LRMDA: variants seen among roughly 807,000 people sequenced by gnomAD.
LRMDA encodes leucine-rich melanocyte differentiation-associated protein.
LRMDA carries 18 observed loss-of-function variants against 29.8 expected under a neutral mutation model. The observed-to-expected ratio is 0.60, with a 90% CI of 0.42 to 0.90. The LOEUF (loss-of-function observed/expected upper bound fraction) is 0.90, where lower values mean the gene tolerates loss of function less well. Ranked by LOEUF, LRMDA falls within the 40% of genes least tolerant of loss-of-function variation. The pLI is 0.00. For synonymous variants in LRMDA, 125 were observed against 109.4 expected (o/e 1.14, Z -0.89); for missense variants, 273 against 273.9 (o/e 1.00, Z 0.02).
At chr10:75,924,097 T>C (rs1846075781) in intron 2 of LRMDA, among the ~76,000 whole-genome samples, 1 of 152,210 alleles carries the variant, frequency 6.6e-6, no homozygotes, top group South Asian at 2.1e-4. Context: ...TGCCTCAAAA[T>C]TACTCCATCT....
Position 75,907,644 on chromosome 10 carries a change from G to A in LRMDA, c.132-128364G>A, listed in dbSNP as rs1845778519. Among the ~76,000 whole-genome samples, 3 of 152,180 alleles carry A rather than the reference G, an allele frequency of 2.0e-5. No homozygotes were observed. The South Asian group carries it at 6.2e-4, about 32-fold the overall frequency. On this transcript the variant is annotated intron_variant, in intron 2 of 6. Transcript: ENST00000611255. Reference sequence around the variant, plus strand: ...GCTGTTACTTTACAGTAGCGTTAGAGTGGAGCTGTCGTTAATATCCACACC... The same window carrying A: ...GCTGTTACTTTACAGTAGCGTTAGAATGGAGCTGTCGTTAATATCCACACC...
chr10:76,037,311 C>T (rs1848266493), intron 3 of LRMDA, among the ~76,000 whole-genome samples: 2 of 152,200 alleles, frequency 1.3e-5, no homozygotes, highest in African/African-American at 2.4e-5. Context: ...AGTAGTTAAA[C>T]CACTTGTTCA....
At chr10:76,456,421 A>G (rs191088004) in intron 6 of LRMDA, among the ~76,000 whole-genome samples, 153 of 152,304 alleles carry the variant, frequency 1.0e-3, no homozygotes, top group Admixed American at 1.6e-3. Context: ...CTACAAAAGC[A>G]ATTGCAGAGG....
At chr10:76,253,386 T>C (rs938592837) in intron 5 of LRMDA, among the ~76,000 whole-genome samples, 1 of 152,128 alleles carries the variant, frequency 6.6e-6, no homozygotes, top group Non-Finnish European at 1.5e-5. Flanking sequence ...GGATTTTTGT[T>C]AGATGTCTTA....
intron 5 of LRMDA, among the ~76,000 whole-genome samples, chr10:76,068,370 G>T (rs1025463368): frequency 2.6e-5 from 4 of 152,148 alleles, no homozygotes; most frequent in Non-Finnish European, 5.9e-5. Context: ...AGTCACCAAC[G>T]TTTCTGGCAC....
Position 75,744,396 on chromosome 10 carries a change from G to T in LRMDA, c.132-291612G>T, listed in dbSNP as rs76638502. On this transcript the variant is annotated intron_variant, in intron 2 of 6. Transcript: ENST00000611255. ...AGGGGTCTAGACATGTATCATAAAA[G>T]AATAGACTCTTGTGTATAAAAACAC... 3.9e-5 allele frequency among the ~76,000 whole-genome samples: 6 copies of T among 152,318 alleles called. No individual in the cohort carries two copies. The East Asian group carries it at 1.2e-3, about 29-fold the overall frequency.
At chr10:76,074,022 A>G (rs191948907) in intron 5 of LRMDA, among the ~76,000 whole-genome samples, 1 of 152,334 alleles carries the variant, frequency 6.6e-6, no homozygotes, top group East Asian at 1.9e-4. Context: ...AAGCACAAAT[A>G]TGTTATTGTT....
chr10:75,998,711 C>G (rs1847513488), intron 2 of LRMDA, among the ~76,000 whole-genome samples: 1 of 152,236 alleles, frequency 6.6e-6, no homozygotes, highest in Admixed American at 6.5e-5. Context: ...AGAGATTACT[C>G]TCTTGACATT....
chr10:76,062,488 A>G (rs374987003), intron 5 of LRMDA, among the ~76,000 whole-genome samples: 6 of 151,736 alleles, frequency 4.0e-5, no homozygotes, highest in Admixed American at 1.3e-4. Flanking sequence ...GCAAGTCCTC[A>G]CTCCCTTTCT....
intron 2 of LRMDA, among the ~76,000 whole-genome samples, chr10:75,848,777 C>T (rs1297569415): frequency 6.6e-6 from 1 of 152,198 alleles, no homozygotes; most frequent in Non-Finnish European, 1.5e-5. Flanking sequence ...AGGACAGCCA[C>T]ACCTGCATCA....
chr10:76,112,068 C>T (rs571309060), intron 5 of LRMDA, among the ~76,000 whole-genome samples: 3 of 152,276 alleles, frequency 2.0e-5, no homozygotes, highest in African/African-American at 7.2e-5. Context: ...TCTAATCTGT[C>T]GTCAAATGGA....
At chr10:75,910,967 T>C (rs1845833020) in intron 2 of LRMDA, among the ~76,000 whole-genome samples, 1 of 152,184 alleles carries the variant, frequency 6.6e-6, no homozygotes. Context: ...TGGAGTAATC[T>C]GGCATGAACA....
chr10:75,669,909 T>C (rs1033788726), intron 2 of LRMDA, among the ~76,000 whole-genome samples: 3 of 152,230 alleles, frequency 2.0e-5, no homozygotes, highest in African/African-American at 4.8e-5. Flanking sequence ...GCATAAATTA[T>C]GGTAGTTAAA....
Position 75,573,343 on chromosome 10 carries a change from G to A in LRMDA, c.131+134849G>A, listed in dbSNP as rs561125867. Among the ~76,000 whole-genome samples the A allele has an allele frequency of 6.6e-5, 10 of 152,044 alleles. No homozygotes were observed. In the South Asian group the frequency reaches 2.1e-3, roughly 32 times the overall value. ...ATTTATTTATTTTTCCCCAGTTCTGGAAAATCCTCAGCTGTTCTCTTTTTG... is the reference window on the plus strand; with the variant it reads ...ATTTATTTATTTTTCCCCAGTTCTGAAAAATCCTCAGCTGTTCTCTTTTTG... On this transcript the variant is annotated intron_variant, in intron 2 of 6. Coordinates refer to ENST00000611255, the MANE Select transcript of LRMDA (RefSeq NM_001305581.2).
intron 2 of LRMDA, among the ~76,000 whole-genome samples, chr10:75,575,503 A>G (rs906242189): frequency 7.2e-5 from 11 of 152,210 alleles, no homozygotes; most frequent in African/African-American, 2.4e-4. Context: ...AAAGGGAGAA[A>G]TCTGCCGAAA....
At chr10:76,346,149 A>G (rs1841106132) in intron 6 of LRMDA, among the ~76,000 whole-genome samples, 1 of 152,232 alleles carries the variant, frequency 6.6e-6, no homozygotes, top group Admixed American at 6.5e-5. Flanking sequence ...AATAGTTTTG[A>G]AAGTGTAGAC....
intron 2 of LRMDA, among the ~76,000 whole-genome samples, chr10:75,603,953 G>A (rs1315487870): frequency 6.6e-6 from 1 of 152,164 alleles, no homozygotes; most frequent in African/African-American, 2.4e-5. Flanking sequence ...TGAACTGTTA[G>A]CTTTCTAAGC....
At chr10:76,353,491 C>T (rs148837790) in intron 6 of LRMDA, among the ~76,000 whole-genome samples, 130 of 152,208 alleles carry the variant, frequency 8.5e-4, no homozygotes, top group Middle Eastern at 3.4e-3. Context: ...TACCAGGGCT[C>T]TCCACATTGT....
chr10:76,240,097 C>T (rs1000621122), intron 5 of LRMDA, among the ~76,000 whole-genome samples: 1 of 151,444 alleles, frequency 6.6e-6, no homozygotes, highest in Non-Finnish European at 1.5e-5. Context: ...AGACAATTCT[C>T]AAAAAAGATA....
Sources: gnomAD v4.1 joint callset for allele counts (sites outside exome capture counted in the v4.1 genomes callset) on GRCh38, gnomAD v4.1.1 for gene constraint, MANE v1.5 for transcripts, NCBI Gene and HGNC (gene_info 2026-07-23, HGNC 2026-07-21) for gene names.